Variants in CLPTM1 observed in about 807,000 individuals in gnomAD.
The protein encoded by CLPTM1 is putative lipid scramblase CLPTM1.
In CLPTM1, 21 loss-of-function variants were observed where a neutral mutation model predicts 77.3. That is an observed-to-expected ratio of 0.27 (90% CI 0.19 to 0.39). CLPTM1 has a LOEUF of 0.39. Ranked by LOEUF, CLPTM1 falls within the 10% of genes least tolerant of loss-of-function variation. The pLI is 1.00. For missense variants in CLPTM1, 642 were observed against 921.2 expected (o/e 0.70, Z 3.92); for synonymous variants, 373 against 381.0 (o/e 0.98, Z 0.24).
At chr19:44,973,971 G>GT (rs1555721401) in intron 3 of CLPTM1, among the ~76,000 whole-genome samples, 1 of 152,002 alleles carries the variant, frequency 6.6e-6, no homozygotes, top group Non-Finnish European at 1.5e-5. Flanking sequence ...TACCTTTTTG[G>GT]TACGCTGGTC....
chr19:44,955,254 T>C, upstream of CLPTM1: 7 of 1,487,302 alleles, frequency 4.7e-6, no homozygotes, highest in Non-Finnish European at 6.2e-6. Flanking sequence ...GGAAGTGGCC[T>C]TCCTGAGAGG....
At chr19:44,986,415 T>C in intron 6 of CLPTM1, 40 bp from the exon 7 acceptor site, 2 of 1,608,566 alleles carry the variant, frequency 1.2e-6, no homozygotes, top group Non-Finnish European at 1.7e-6. Context: ...CCCGAGCACT[T>C]CCACCTGCCT....
In CLPTM1 at chr19:44,987,276, C is replaced by T. The variant is rs1970993993; in HGVS notation, c.891C>T (p.Ser297=). 1.2e-6 allele frequency: 2 copies of T among 1,614,142 alleles called. No homozygotes were observed. Among genetic ancestry groups the T allele is most frequent in the African/African-American group, 2.7e-5 (2 of 74,946 alleles). The stretch of plus-strand genomic sequence containing the variant: ...AGGACTACTACCCCATCAACGAGAG[C>T]CTGGCCAGCCTGCCGCTCCGCGTCT... ...LQKDYYPINE[S]LASLPLRVSF... is the part of the protein sequence containing the mutation. Residue 297 remains serine, a synonymous_variant, in exon 8 of 14, where the codon AGC becomes AGT. Transcript: ENST00000337392.
At chr19:44,965,549 C>G (rs1017856920) in intron 2 of CLPTM1, among the ~76,000 whole-genome samples, 5 of 151,808 alleles carry the variant, frequency 3.3e-5, no homozygotes, top group African/African-American at 1.2e-4. Flanking sequence ...CGCGGTGGCT[C>G]ACGCCTGTAA....
chr19:44,980,034 TTA>T (rs1336099542), intron 5 of CLPTM1, among the ~76,000 whole-genome samples: 2 of 152,172 alleles, frequency 1.3e-5, no homozygotes, highest in African/African-American at 4.8e-5. Flanking sequence ...GTGGTGAGGT[TTA>T]TTCACAGTCA....
intron 1 of CLPTM1, 130 bp downstream of exon 1, chr19:44,955,597 GGCCCAGGCAGGGCCGGACC>G (rs1413765326): frequency 1.1e-6 from 1 of 947,950 alleles, no homozygotes; most frequent in Middle Eastern, 3.5e-4. Context: ...TTGAATACCC[GGCCCAGGCAGGGCCGGACC>G]GCCCGGGAGG....
At chr19:44,963,207 CAA>C (rs778157562) in intron 2 of CLPTM1, among the ~76,000 whole-genome samples, 4,852 of 27,092 alleles carry the variant, frequency 0.18, 28 homozygotes, top group South Asian at 0.28. Flanking sequence ...GACTCCATCT[CAA>C]AAAAAAAAAA....
chr19:44,992,108 G>A lies in CLPTM1; in HGVS notation c.1556-125G>A. 3.2e-6 allele frequency: 3 copies of A among 947,690 alleles called. No homozygotes were observed. In the East Asian group the frequency reaches 7.6e-5, roughly 24 times the overall value. 58.7% of individuals were successfully genotyped at this position (947,690 alleles called of 1,614,324 possible). A position where few individuals can be genotyped will look rare whatever the true frequency, so the allele number is the denominator to read the frequency against. On this transcript the variant is annotated intron_variant, in intron 12 of 13. Coordinates refer to ENST00000337392, the MANE Select transcript of CLPTM1 (RefSeq NM_001294.4). This position sits in a 1 kb window ranked among gnomAD's most constrained non-coding sequence, Gnocchi z 7.7. ...GAGGCCGCTGGTAGAGTGTGCCCAG[G>A]TATAGGAAGTGGTAGAGTGTGCCCA...
chr19:44,964,024 C>A (rs1353269044), intron 2 of CLPTM1, among the ~76,000 whole-genome samples: 1 of 151,988 alleles, frequency 6.6e-6, no homozygotes, highest in Non-Finnish European at 1.5e-5. Flanking sequence ...CCTCAGCCTC[C>A]CAAAGTGCTG....
chr19:44,992,735 A>G lies in CLPTM1; in HGVS notation c.1848A>G (p.Thr616=). Residue 616 remains threonine (T), a synonymous_variant, in exon 14 of 14, where the codon ACA becomes ACG. Coordinates refer to ENST00000337392, the MANE Select transcript of CLPTM1 (RefSeq NM_001294.4). The surrounding 1 kb of genome is among the most constrained non-coding windows in gnomAD (Gnocchi z 7.7). ...CCGCCCCCGTGGCCGAGGTTCCCACAGCAGCAGGGGCCCTCACGCCCACAC... is the reference window on the plus strand; with the variant it reads ...CCGCCCCCGTGGCCGAGGTTCCCACGGCAGCAGGGGCCCTCACGCCCACAC... ...TAAAPVAEVP[T]AAGALTPTPA... 3.1e-6 allele frequency: 5 copies of G among 1,613,208 alleles called. No homozygotes were observed. Among genetic ancestry groups the G allele is most frequent in the Non-Finnish European group, 3.4e-6 (4 of 1,179,880 alleles).
intron 1 of CLPTM1, chr19:44,955,771 C>T: frequency 3.1e-6 from 1 of 321,556 alleles, no homozygotes; most frequent in Non-Finnish European, 5.6e-6. Context: ...GGGTTCTCAA[C>T]TCCGCGATTC....
At chr19:44,989,374 G>T (rs1971033026) in intron 9 of CLPTM1, among the ~76,000 whole-genome samples, 1 of 152,154 alleles carries the variant, frequency 6.6e-6, no homozygotes, top group South Asian at 2.1e-4. Context: ...TGCAGCAGGG[G>T]GCGCAGGCCT....
intron 2 of CLPTM1, among the ~76,000 whole-genome samples, chr19:44,967,418 G>A (rs1309525238): frequency 2.0e-5 from 3 of 152,080 alleles, no homozygotes; most frequent in Admixed American, 6.6e-5. Flanking sequence ...CAGCACTTTG[G>A]GAGACCAAGG....
intron 2 of CLPTM1, among the ~76,000 whole-genome samples, chr19:44,966,150 G>A (rs145433652): frequency 6.6e-6 from 1 of 152,342 alleles, no homozygotes; most frequent in African/African-American, 2.4e-5. Context: ...GGTGGCTCAC[G>A]CCTGTAATCC....
chr19:44,977,531 T>C (rs1970824799), intron 5 of CLPTM1, 71 bp downstream of exon 5: 2 of 1,196,088 alleles, frequency 1.7e-6, no homozygotes, highest in Admixed American at 1.8e-5. Context: ...CAGGCTAATG[T>C]GGCGGACAAA....
intron 2 of CLPTM1, among the ~76,000 whole-genome samples, chr19:44,969,067 A>C (rs894057809): frequency 6.6e-6 from 1 of 152,182 alleles, no homozygotes; most frequent in Non-Finnish European, 1.5e-5. Flanking sequence ...TTTCTGCTCC[A>C]AAGTTTTTTG....
intron 2 of CLPTM1, 30 bp downstream of exon 2, chr19:44,962,105 CG>C (rs773426736): frequency 1.5e-6 from 2 of 1,346,106 alleles, no homozygotes; most frequent in Admixed American, 2.4e-5. Flanking sequence ...GTTTGTTCAC[CG>C]AAAACATTCA....
rs1433729138 is a variant in CLPTM1 at position 44,959,781 on chromosome 19, C to G, written c.73-2182C>G. 5.9e-5 allele frequency among the ~76,000 whole-genome samples: 9 copies of G among 152,192 alleles called. No individual in the cohort carries two copies. The South Asian group carries it at 1.0e-3, about 17-fold the overall frequency. ...AAGTAGCTGTACTTTTACTTTCCCC[C>G]CTAGCAGCATACGAGGGTTCCTGTT... is the stretch of plus-strand genomic sequence containing the variant. On this transcript the variant is annotated intron_variant, in intron 1 of 13. Coordinates refer to ENST00000337392, the MANE Select transcript of CLPTM1 (RefSeq NM_001294.4).
chr19:44,959,422 C>T (rs574603373), intron 1 of CLPTM1, among the ~76,000 whole-genome samples: 1 of 152,132 alleles, frequency 6.6e-6, no homozygotes, highest in East Asian at 1.9e-4. Flanking sequence ...TGGTGTGATC[C>T]TGGTTCACTG....
Sources: allele counts gnomAD v4.1 joint callset (sites outside exome capture counted in the v4.1 genomes callset), GRCh38; gene constraint gnomAD v4.1.1; non-coding constraint Gnocchi (gnomAD v3.1); transcripts MANE v1.5; gene names NCBI Gene and HGNC (gene_info 2026-07-23, HGNC 2026-07-21).